PPIP5K1: variants seen among roughly 807,000 people sequenced by gnomAD.
PPIP5K1 encodes inositol hexakisphosphate and diphosphoinositol-pentakisphosphate kinase 1.
Under a neutral mutation model 27.7 loss-of-function variants are expected in PPIP5K1, and 6 were observed. That is an observed-to-expected ratio of 0.22 (90% CI 0.12 to 0.43). The LOEUF (loss-of-function observed/expected upper bound fraction) is 0.43. Ranked by LOEUF, PPIP5K1 falls within the 20% of genes least tolerant of loss-of-function variation. The probability of loss-of-function intolerance (pLI) is 1.00; values close to 1 mark genes in which losing one functional copy is unlikely to be tolerated. For synonymous variants in PPIP5K1, 145 were observed against 242.6 expected (o/e 0.60, Z 3.74); for missense variants, 394 against 635.4 (o/e 0.62, Z 4.08).
intron 30 of PPIP5K1, among the ~76,000 whole-genome samples, chr15:43,551,895 G>A (rs1395609568): frequency 6.6e-6 from 1 of 151,658 alleles, no homozygotes; most frequent in Non-Finnish European, 1.5e-5. Context: ...GAGCCACCAC[G>A]CCCGGCTCCT....
rs1228704077 is a variant in PPIP5K1, at chr15:43,553,647, T to G, written c.3556+5148A>C. Among the ~76,000 whole-genome samples the G allele has an allele frequency of 2.4e-5, 3 of 127,140 alleles. 1 individual carries two copies. The highest frequency in any genetic ancestry group is 2.4e-4 in the South Asian group (1 of 4,132). 83.4% of individuals were successfully genotyped at this position (127,140 alleles called of 152,430 possible). The stretch of plus-strand genomic sequence containing the variant: ...GATTTCCTTACTAATTTTCTGTGTG[T>G]TTTTTTTTTTTTTTTGAGACGGAGT... On this transcript the variant is annotated intron_variant, in intron 30 of 31. Coordinates refer to ENST00000420765, the MANE Select transcript of PPIP5K1 (RefSeq NM_001394395.1).
chr15:43,551,622 A>ATTTTTTTTTTTTTT, intron 30 of PPIP5K1, among the ~76,000 whole-genome samples: 2 of 48,514 alleles, frequency 4.1e-5, no homozygotes, highest in African/African-American at 6.7e-4. Flanking sequence ...TTTTTTTTTG[A>ATTTTTTTTTTTTTT]GACGGAGTCT....
rs1310435787 is a variant in PPIP5K1 at position 43,550,610 on chromosome 15, T to C, written c.3556+8185A>G. Reference sequence around the variant, plus strand: ...TTTTTTCTTTTCCAATTTGGATATTTTTTTTTCCTTGCCTAAAACTCCTGG... The same window carrying C: ...TTTTTTCTTTTCCAATTTGGATATTCTTTTTTCCTTGCCTAAAACTCCTGG... On this transcript the variant is annotated intron_variant, in intron 30 of 31. Coordinates refer to ENST00000420765, the MANE Select transcript of PPIP5K1 (RefSeq NM_001394395.1). Among the ~76,000 whole-genome samples, 3 of 152,218 alleles carry C rather than the reference T, an allele frequency of 2.0e-5. No homozygotes were observed. The East Asian group carries it at 5.8e-4, about 29-fold the overall frequency.
intron 10 of PPIP5K1, among the ~76,000 whole-genome samples, chr15:43,580,335 C>G (rs1367877328): frequency 1.6e-5 from 1 of 62,532 alleles, no homozygotes; most frequent in African/African-American, 1.4e-4. Context: ...TAGATGCTCA[C>G]TATAGTCATC....
At chr15:43,552,238 A>T (rs758686660) in intron 30 of PPIP5K1, among the ~76,000 whole-genome samples, 2 of 152,130 alleles carry the variant, frequency 1.3e-5, no homozygotes, top group Non-Finnish European at 2.9e-5. Context: ...TACAAATGTG[A>T]GCCACTACAC....
chr15:43,558,828 G>A lies in PPIP5K1; in HGVS notation c.3523C>T (p.Arg1175Cys), dbSNP rs780566675. 1.6e-5 allele frequency: 26 copies of A among 1,613,944 alleles called. No homozygotes were observed. The highest frequency in any genetic ancestry group is 1.1e-4 in the South Asian group (10 of 91,086). ...VSEFLSRVCQ[R>C]HTDAQAQASA... is the part of the protein sequence containing the mutation. Reference sequence around the variant, plus strand: ...GCCTGTGCCTGGGCATCAGTGTGGCGCTGGCAGACTCTACTCAAGAATTCA... The same window carrying A: ...GCCTGTGCCTGGGCATCAGTGTGGCACTGGCAGACTCTACTCAAGAATTCA... Residue 1175 changes from arginine to cysteine, a missense_variant, in exon 30 of 32, where the codon CGC becomes TGC. Arg to Cys is a radical substitution (Grantham distance 180, BLOSUM62 -3). Around this residue, in one of 4 missense-constraint regions of PPIP5K1, gnomAD observed 379 missense variants for 423.9 expected, o/e 0.89. Coordinates refer to ENST00000420765, the MANE Select transcript of PPIP5K1 (RefSeq NM_001394395.1).
At chr15:43,549,669 T>C (rs2081950006) in intron 30 of PPIP5K1, among the ~76,000 whole-genome samples, 1 of 151,188 alleles carries the variant, frequency 6.6e-6, no homozygotes, top group South Asian at 2.1e-4. Flanking sequence ...AAAATCTTTA[T>C]ACAAATTTTA....
At chr15:43,540,634 T>C (rs1297573769) in intron 30 of PPIP5K1, among the ~76,000 whole-genome samples, 1 of 151,380 alleles carries the variant, frequency 6.6e-6, no homozygotes, top group Non-Finnish European at 1.5e-5. Context: ...GAAACAGAGG[T>C]TGCAGTGAGC....
chr15:43,550,454 T>A (rs1467824368), intron 30 of PPIP5K1, among the ~76,000 whole-genome samples: 1 of 152,206 alleles, frequency 6.6e-6, no homozygotes, highest in African/African-American at 2.4e-5. Context: ...TCTGAGTTCA[T>A]CCTGTAACCT....
chr15:43,553,566 T>C (rs531659739), intron 30 of PPIP5K1, among the ~76,000 whole-genome samples: 1 of 152,024 alleles, frequency 6.6e-6, no homozygotes, highest in African/African-American at 2.4e-5. Context: ...TGGTCTCAGA[T>C]TCCTGGGCTT....
chr15:43,540,078 C>A (rs1297878408), intron 30 of PPIP5K1, among the ~76,000 whole-genome samples: 2 of 151,878 alleles, frequency 1.3e-5, no homozygotes, highest in Non-Finnish European at 2.9e-5. Flanking sequence ...CACAGCAAAA[C>A]CCCATTTCTA....
At chr15:43,536,141 G>A (rs1214479053) in intron 31 of PPIP5K1, 6 of 1,282,438 alleles carry the variant, frequency 4.7e-6, no homozygotes, top group Non-Finnish European at 4.1e-6. Flanking sequence ...TTACCTGGCT[G>A]GGTGCGGTGG....
intron 30 of PPIP5K1, among the ~76,000 whole-genome samples, chr15:43,543,742 T>C (rs1044849336): frequency 6.6e-6 from 1 of 151,622 alleles, no homozygotes; most frequent in Non-Finnish European, 1.5e-5. Context: ...ACTTTGAAAA[T>C]CCTCGTTCCT....
chr15:43,539,827 G>A (rs527247887), intron 30 of PPIP5K1, among the ~76,000 whole-genome samples: 4 of 152,172 alleles, frequency 2.6e-5, no homozygotes, highest in East Asian at 3.8e-4. Flanking sequence ...CCATATACCC[G>A]TCTCCTAGAT....
rs146019478 is a variant in PPIP5K1, at chr15:43,540,554, G to A, written c.3557-971C>T. Among the ~76,000 whole-genome samples, 654 of 151,676 alleles carry A rather than the reference G, an allele frequency of 4.3e-3. 3 individuals carry two copies. The highest frequency in any genetic ancestry group is 0.015 in the African/African-American group (613 of 41,316). ...TCTACTAAAAATACAAAAATTAGCC[G>A]GGTGTAGTGGCACATGCCTGTAATC... On this transcript the variant is annotated intron_variant, in intron 30 of 31. Coordinates refer to ENST00000420765, the MANE Select transcript of PPIP5K1 (RefSeq NM_001394395.1).
At chr15:43,544,096 C>T (rs2081096786) in intron 30 of PPIP5K1, among the ~76,000 whole-genome samples, 1 of 152,080 alleles carries the variant, frequency 6.6e-6, no homozygotes, top group East Asian at 1.9e-4. Context: ...CAAGTCAAAG[C>T]TATACAAAAA....
At chr15:43,549,456 T>G (rs1045574923) in intron 30 of PPIP5K1, among the ~76,000 whole-genome samples, 1 of 146,092 alleles carries the variant, frequency 6.8e-6, no homozygotes, top group Admixed American at 6.8e-5. Flanking sequence ...TTGAAGCCAG[T>G]TCAAGAACAG....
intron 30 of PPIP5K1, among the ~76,000 whole-genome samples, chr15:43,550,248 C>T (rs1188731162): frequency 6.6e-6 from 1 of 151,998 alleles, no homozygotes. Flanking sequence ...CCATCCTCCT[C>T]CCTCAGCCTC....
intron 30 of PPIP5K1, among the ~76,000 whole-genome samples, chr15:43,546,669 T>C (rs1364699465): frequency 6.8e-6 from 1 of 147,504 alleles, no homozygotes; most frequent in African/African-American, 2.5e-5. Flanking sequence ...TTTTTTTTTT[T>C]TTTTTTTTTT....
Sources: allele counts gnomAD v4.1 joint callset (sites outside exome capture counted in the v4.1 genomes callset), GRCh38; gene constraint gnomAD v4.1.1; regional missense constraint gnomAD v4.1.1; transcripts MANE v1.5; gene names NCBI Gene and HGNC (gene_info 2026-07-23, HGNC 2026-07-21).